The following TRAP1 variants were observed in gnomAD, a reference collection of about 807,000 sequenced individuals.
The protein encoded by TRAP1 is TNF receptor associated protein 1, also known as heat shock protein 75 kDa, mitochondrial.
TRAP1 carries 102 observed loss-of-function variants against 89.1 expected under a neutral mutation model. That is an observed-to-expected ratio of 1.15 (90% CI 0.98 to 1.35). The LOEUF is 1.35. Ranked by LOEUF, TRAP1 falls within the 40% of genes most tolerant of loss-of-function variation. TRAP1 has a pLI of 0.00. For synonymous variants in TRAP1, 508 were observed against 388.0 expected, an observed-to-expected ratio of 1.31 and a Z score of -3.64; for missense variants, 1,256 against 945.3, an observed-to-expected ratio of 1.33 and a Z score of -4.31.
At chr16:3,672,077 C>G (rs1022934002) in intron 10 of TRAP1, among the ~76,000 whole-genome samples, 1 of 152,206 alleles carries the variant, frequency 6.6e-6, no homozygotes, top group Non-Finnish European at 1.5e-5. Context: ...GTGTCTGACG[C>G]CTGTAATCCC....
Position 3,671,713 on chromosome 16 carries a change from G to T in TRAP1, c.1235+9C>A. ...CAGCAGGGTCCTCTCCCCGCGGCCC[G>T]AGGCTCACCTGATGAGTGCGCTCTC... On this transcript the variant is annotated intron_variant, in intron 11 of 17. Transcript: ENST00000246957. 8 of 1,612,104 alleles carry T rather than the reference G, an allele frequency of 5.0e-6. No individual in the cohort carries two copies. Among genetic ancestry groups the T allele is most frequent in the Non-Finnish European group, 6.8e-6 (8 of 1,179,956 alleles).
chr16:3,679,108 G>A (rs1392564586), intron 5 of TRAP1, among the ~76,000 whole-genome samples: 1 of 152,072 alleles, frequency 6.6e-6, no homozygotes, highest in Non-Finnish European at 1.5e-5. Flanking sequence ...CGGCCAACAT[G>A]GTGAAACCCC....
chr16:3,698,791 T>C (rs1197278569), intron 1 of TRAP1, among the ~76,000 whole-genome samples: 1 of 151,704 alleles, frequency 6.6e-6, no homozygotes, highest in Non-Finnish European at 1.5e-5. Context: ...CTCAGCTACT[T>C]GGGAGGATCA....
rs1410355261 is a variant in TRAP1 at position 3,663,563 on chromosome 16, C to T, written c.1570-1G>A. On this transcript the variant is annotated splice_acceptor_variant, in intron 13 of 17. Coordinates refer to ENST00000246957, the MANE Select transcript of TRAP1 (RefSeq NM_016292.3). LOFTEE classifies it high-confidence loss of function. Reference sequence around the variant, plus strand: ...CAAACTGCTCAAAGCAGAAGAGAACCTGCAGGTGGCCAAGAGCAGCTCCAT... The same window carrying T: ...CAAACTGCTCAAAGCAGAAGAGAACTTGCAGGTGGCCAAGAGCAGCTCCAT... 8 of 1,613,754 alleles carry T rather than the reference C, an allele frequency of 5.0e-6. No individual in the cohort carries two copies. The highest frequency in any genetic ancestry group is 6.8e-6 in the Non-Finnish European group (8 of 1,179,914).
chr16:3,661,862 T>C, intron 16 of TRAP1, 125 bp downstream of exon 16: 4 of 1,279,164 alleles, frequency 3.1e-6, no homozygotes, highest in South Asian at 1.6e-5. Flanking sequence ...CAGCTCCTTA[T>C]AGTTACCCAC....
In TRAP1 at chr16:3,706,456, C is replaced by CTTT. The variant is rs34658116; in HGVS notation, c.88+10962_88+10964dup. On this transcript the variant is annotated intron_variant, in intron 1 of 17. Coordinates refer to ENST00000246957, the MANE Select transcript of TRAP1 (RefSeq NM_016292.3). Reference sequence around the variant, plus strand: ...CCACCACTCCTGGCCTATTTGCACTCTTTTTTTTTTTTTTTTTTTTTTGAG... The same window carrying CTTT: ...CCACCACTCCTGGCCTATTTGCACTCTTTTTTTTTTTTTTTTTTTTTTTTTGAG... Among the ~76,000 whole-genome samples the CTTT allele has an allele frequency of 1.3e-3, 125 of 98,920 alleles. 1 individual carries two copies. The highest frequency in any genetic ancestry group is 2.7e-3 in the African/African-American group (67 of 24,960). 64.9% of individuals were successfully genotyped at this position (98,920 alleles called of 152,430 possible). A position where few individuals can be genotyped will look rare whatever the true frequency, so the allele number is the denominator to read the frequency against.
At chr16:3,707,332 C>G (rs941448907) in intron 1 of TRAP1, among the ~76,000 whole-genome samples, 1 of 150,762 alleles carries the variant, frequency 6.6e-6, no homozygotes, top group African/African-American at 2.4e-5. Context: ...ACTACAGGCG[C>G]CCACCACCAC....
chr16:3,679,720 T>G lies in TRAP1; in HGVS notation c.542A>C (p.Lys181Thr). ...NLGTIARSGS[K>T]AFLDALQNQA... ...GCTGTGTGGGGGCCCCACGCTTACC[T>G]TTGACCCCGATCTGGCAATCGTCCC... The change falls in exon 5 of 18, where the codon AAG (lysine) becomes ACG (threonine). Residue 181 changes from lysine (K) to threonine (T), a missense_variant and splice_region_variant. Coordinates refer to ENST00000246957, the MANE Select transcript of TRAP1 (RefSeq NM_016292.3). 1 of 1,614,032 alleles carries G rather than the reference T, an allele frequency of 6.2e-7. No homozygotes were observed. The highest frequency in any genetic ancestry group is 8.5e-7 in the Non-Finnish European group (1 of 1,179,952).
chr16:3,674,525 G>C, intron 8 of TRAP1, 31 bp from the exon 9 acceptor site: 1 of 1,608,630 alleles, frequency 6.2e-7, no homozygotes. Context: ...GGAGGGCGTC[G>C]TGTTCACCAC....
chr16:3,668,535 C>T (rs1010390740), intron 11 of TRAP1, among the ~76,000 whole-genome samples: 6 of 152,126 alleles, frequency 3.9e-5, no homozygotes, highest in African/African-American at 9.7e-5. Flanking sequence ...TCACAGGATT[C>T]GAGGAAAAAC....
At chr16:3,663,142 G>A (rs12918727) in intron 14 of TRAP1, 175 bp from the exon 15 acceptor site, 1 of 666,698 alleles carries the variant, frequency 1.5e-6, no homozygotes, top group Non-Finnish European at 2.5e-6. Context: ...CAGGTTGCCT[G>A]AGGCCCATAC....
At chr16:3,693,473 A>AC (rs1355562397) in intron 1 of TRAP1, among the ~76,000 whole-genome samples, 3 of 152,042 alleles carry the variant, frequency 2.0e-5, no homozygotes, top group Non-Finnish European at 1.5e-5. Context: ...TCTACATCAA[A>AC]CCAGGGTGCT....
At chr16:3,711,963 G>C (rs934816354) in intron 1 of TRAP1, among the ~76,000 whole-genome samples, 3 of 152,154 alleles carry the variant, frequency 2.0e-5, no homozygotes, top group Admixed American at 6.5e-5. Flanking sequence ...TACTTCATTT[G>C]AGTATGAATG....
chr16:3,676,242 C>G (rs2050992183), intron 6 of TRAP1, 97 bp from the exon 7 acceptor site: 1 of 999,350 alleles, frequency 1.0e-6, no homozygotes, highest in Admixed American at 2.3e-5. Context: ...ATAGGCAGAG[C>G]CCAAACAACA....
intron 1 of TRAP1, among the ~76,000 whole-genome samples, chr16:3,708,680 G>A (rs1023222987): frequency 6.6e-6 from 1 of 151,942 alleles, no homozygotes; most frequent in Non-Finnish European, 1.5e-5. Flanking sequence ...GCCGGGCATG[G>A]TGGCGCGTGC....
intron 1 of TRAP1, among the ~76,000 whole-genome samples, chr16:3,702,082 C>A (rs867630502): frequency 3.9e-5 from 6 of 152,008 alleles, no homozygotes; most frequent in South Asian, 2.1e-4. Flanking sequence ...GTGGCGTGCA[C>A]CTGTAATCCC....
rs2050931683 is a variant in TRAP1 at position 3,672,743 on chromosome 16, G to C, written c.1122C>G (p.Thr374=). ...ALYSRKVLIQ[T]KATDILPKWL... ...ACTTGGGCAGGATGTCCGTGGCCTT[G>C]GTCTGGATGAGGACTTTGCGGCTGT... is the stretch of plus-strand genomic sequence containing the variant. Residue 374 remains threonine (T), a synonymous_variant, in exon 10 of 18, where the codon ACC becomes ACG. Coordinates refer to ENST00000246957, the MANE Select transcript of TRAP1 (RefSeq NM_016292.3). The C allele has an allele frequency of 6.2e-7, 1 of 1,611,254 alleles. No individual in the cohort carries two copies. The highest frequency in any genetic ancestry group is 8.5e-7 in the Non-Finnish European group (1 of 1,178,910).
rs1596741161 is a variant in TRAP1 at position 3,697,623 on chromosome 16, C to G, written c.89-6638G>C. 4.1e-5 allele frequency among the ~76,000 whole-genome samples: 6 copies of G among 145,616 alleles called. 1 individual carries two copies. The highest frequency in any genetic ancestry group is 1.5e-4 in the African/African-American group (6 of 39,116). ...AGTTTGCAGCGAGCTGAGATGGCGC[C>G]ACTGCACTCCACCCTGGGCAACAGA... On this transcript the variant is annotated intron_variant, in intron 1 of 17. Coordinates refer to ENST00000246957, the MANE Select transcript of TRAP1 (RefSeq NM_016292.3).
chr16:3,659,138 G>T (rs900897270), intron 16 of TRAP1: 1 of 359,872 alleles, frequency 2.8e-6, no homozygotes, highest in Non-Finnish European at 5.0e-6. Flanking sequence ...AGTACGTGAA[G>T]ACATGCCTTG....
Sources: allele counts gnomAD v4.1 joint callset (sites outside exome capture counted in the v4.1 genomes callset), GRCh38; gene constraint gnomAD v4.1.1; transcripts MANE v1.5; gene names NCBI Gene and HGNC (gene_info 2026-07-23, HGNC 2026-07-21).